Variants in TMEM132C observed in about 807,000 individuals in gnomAD.
TMEM132C encodes protein phosphatase 1, regulatory subunit 152.
Under a neutral mutation model 61.4 loss-of-function variants are expected in TMEM132C, and 29 were observed. That is an observed-to-expected ratio of 0.47 (90% CI 0.35 to 0.64). TMEM132C has a LOEUF of 0.64. Among genes scored for constraint, TMEM132C ranks in the 30% least tolerant of loss-of-function variants. The pLI is 0.00. For synonymous variants in TMEM132C, 656 were observed against 633.1 expected, an observed-to-expected ratio of 1.04 and a Z score of -0.54; for missense variants, 1,408 against 1,476.9, an observed-to-expected ratio of 0.95 and a Z score of 0.76.
rs138912512 is a variant in TMEM132C at position 128,683,860 on chromosome 12, G to A, written c.1450-9969G>A. ...GGATGCCTGTCGTCCCAAGTACTTGGGAGGCTGAGCCAGGAGAATCTCTTG... is the reference window on the plus strand; with the variant it reads ...GGATGCCTGTCGTCCCAAGTACTTGAGAGGCTGAGCCAGGAGAATCTCTTG... On this transcript the variant is annotated intron_variant, in intron 5 of 8. Transcript: ENST00000435159. 3.7e-3 allele frequency among the ~76,000 whole-genome samples: 562 copies of A among 152,172 alleles called. 1 individual carries two copies. The highest frequency in any genetic ancestry group is 0.013 in the African/African-American group (544 of 41,518).
At position 128,415,242 on chromosome 12, in the gene TMEM132C, A is replaced by C; in HGVS notation, c.596A>C (p.Glu199Ala). Residue 199 changes from glutamate (E) to alanine (A), a missense_variant, in exon 2 of 9, where the codon GAG becomes GCG. Physicochemically the swap from Glu to Ala is moderately radical, Grantham distance 107 (BLOSUM62 -1). Transcript: ENST00000435159. This position sits in a 1 kb window ranked among gnomAD's most constrained non-coding sequence, Gnocchi z 5.8. ...GDLGLCVAEL[E>A]LLSSWFSAPT... Reference sequence around the variant, plus strand: ...CTGGGGCTGTGTGTGGCTGAGCTGGAGCTCCTGTCCAGCTGGTTCAGTGCC... The same window carrying C: ...CTGGGGCTGTGTGTGGCTGAGCTGGCGCTCCTGTCCAGCTGGTTCAGTGCC... 6.2e-7 allele frequency: 1 copy of C among 1,608,174 alleles called. No individual in the cohort carries two copies. The highest frequency in any genetic ancestry group is 1.3e-5 in the African/African-American group (1 of 74,702).
intron 1 of TMEM132C, among the ~76,000 whole-genome samples, chr12:128,277,337 T>A (rs35866188): frequency 6.6e-6 from 1 of 152,222 alleles, no homozygotes; most frequent in South Asian, 2.1e-4. Context: ...GGCTGCTCTG[T>A]CCTCTTTGCT....
intron 1 of TMEM132C, among the ~76,000 whole-genome samples, chr12:128,337,666 C>T (rs1872825053): frequency 6.6e-6 from 1 of 152,140 alleles, no homozygotes; most frequent in Non-Finnish European, 1.5e-5. Flanking sequence ...CTGGGAGGTT[C>T]GTCCCCTTGC....
intron 3 of TMEM132C, among the ~76,000 whole-genome samples, chr12:128,561,178 T>G (rs1479394132): frequency 6.6e-6 from 1 of 152,238 alleles, no homozygotes; most frequent in Non-Finnish European, 1.5e-5. Flanking sequence ...TGAAGCAAAG[T>G]TTTTATGTCA....
intron 2 of TMEM132C, among the ~76,000 whole-genome samples, chr12:128,539,164 C>T (rs1160027122): frequency 1.3e-5 from 2 of 152,174 alleles, no homozygotes; most frequent in Non-Finnish European, 2.9e-5. Context: ...ATTCAAGGAC[C>T]TCTCTTCACC....
chr12:128,671,569 G>T (rs1954532651), intron 5 of TMEM132C, among the ~76,000 whole-genome samples: 1 of 152,148 alleles, frequency 6.6e-6, no homozygotes, highest in African/African-American at 2.4e-5. Context: ...CTCCATGTCT[G>T]AGTAGAAGAG....
chr12:128,694,521 A>G (rs1954743342), intron 6 of TMEM132C, among the ~76,000 whole-genome samples: 1 of 152,204 alleles, frequency 6.6e-6, no homozygotes, highest in Non-Finnish European at 1.5e-5. Context: ...TGTCTGTCAC[A>G]TGCAAGAGTA....
intron 1 of TMEM132C, among the ~76,000 whole-genome samples, chr12:128,394,969 C>G (rs1305429198): frequency 6.6e-6 from 1 of 151,336 alleles, no homozygotes; most frequent in Non-Finnish European, 1.5e-5. Flanking sequence ...ATCTCATCTC[C>G]CTTCTACTCC....
At chr12:128,514,430 A>T (rs1455589181) in intron 2 of TMEM132C, among the ~76,000 whole-genome samples, 1 of 152,184 alleles carries the variant, frequency 6.6e-6, no homozygotes, top group Non-Finnish European at 1.5e-5. Context: ...TAATTTGCCC[A>T]AGGCCAGATA....
chr12:128,390,220 C>T (rs1272225103), intron 1 of TMEM132C, among the ~76,000 whole-genome samples: 1 of 152,190 alleles, frequency 6.6e-6, no homozygotes, highest in Non-Finnish European at 1.5e-5. Context: ...ACTTTCTTGG[C>T]TTAAAAATAT....
chr12:128,308,547 AT>A (rs1272072508), intron 1 of TMEM132C, among the ~76,000 whole-genome samples: 1 of 152,172 alleles, frequency 6.6e-6, no homozygotes, highest in Non-Finnish European at 1.5e-5. Context: ...TGCTGAGTGA[AT>A]GGAGGAATGT....
rs1874972433 is a variant in TMEM132C, at chr12:128,396,771, C to T, written c.86-17961C>T. Among the ~76,000 whole-genome samples, 4 of 152,186 alleles carry T rather than the reference C, an allele frequency of 2.6e-5. No homozygotes were observed. In the South Asian group the frequency reaches 8.3e-4, roughly 32 times the overall value. ...CCATCACAGCTAGGAAGTGGCCAGG[C>T]TGTGATTGGAGCCCGGTGGGCTGGC... On this transcript the variant is annotated intron_variant, in intron 1 of 8. Coordinates refer to ENST00000435159, the MANE Select transcript of TMEM132C (RefSeq NM_001136103.3).
At chr12:128,295,768 C>T (rs1001524117) in intron 1 of TMEM132C, among the ~76,000 whole-genome samples, 17 of 140,848 alleles carry the variant, frequency 1.2e-4, no homozygotes, top group Admixed American at 1.1e-3. Flanking sequence ...GTTTTAAGCA[C>T]CAATTAAAAA....
rs957363840 is a variant in TMEM132C at position 128,701,959 on chromosome 12, G to A, written c.2122-3131G>A. ...CTGTCACCCCAGCTGGAGTGCAGTG[G>A]TGTGATCTTGGCTCACTGCAACCTC... On this transcript the variant is annotated intron_variant, in intron 8 of 8. Transcript: ENST00000435159. Among the ~76,000 whole-genome samples, 42 of 149,178 alleles carry A rather than the reference G, an allele frequency of 2.8e-4. No individual in the cohort carries two copies. In the Middle Eastern group the frequency reaches 0.011, roughly 38 times the overall value.
chr12:128,518,737 T>C (rs1459275830), intron 2 of TMEM132C, among the ~76,000 whole-genome samples: 1 of 152,054 alleles, frequency 6.6e-6, no homozygotes, highest in Non-Finnish European at 1.5e-5. Flanking sequence ...TGTGTGCATG[T>C]GTGTGCGTGT....
At chr12:128,364,342 A>T (rs1026418668) in intron 1 of TMEM132C, among the ~76,000 whole-genome samples, 2 of 113,638 alleles carry the variant, frequency 1.8e-5, no homozygotes, top group Non-Finnish European at 3.4e-5. Flanking sequence ...CATCATTCTC[A>T]CTCAGTCACA....
At chr12:128,354,435 C>G (rs755826156) in intron 1 of TMEM132C, among the ~76,000 whole-genome samples, 9 of 146,788 alleles carry the variant, frequency 6.1e-5, no homozygotes, top group Non-Finnish European at 1.2e-4. Context: ...TTTTCTTCCT[C>G]TCTCCTTCCT....
rs994900067 is a variant in TMEM132C at position 128,695,875 on chromosome 12, C to A, written c.1701C>A (p.Gly567=). The A allele has an allele frequency of 9.7e-6, 15 of 1,548,368 alleles. No individual in the cohort carries two copies. The highest frequency in any genetic ancestry group is 1.2e-5 in the Non-Finnish European group (14 of 1,145,564). ...ATGAGGACGAGGAGGAGCGGCGGGG[C>A]CGGGGCTGCGCACTGCAATACCAGC... is the stretch of plus-strand genomic sequence containing the variant. ...SEDEDEEERR[G]RGCALQYQHA... is the part of the protein sequence containing the mutation. The change falls in exon 7 of 9, where the codon GGC becomes GGA. Residue 567 remains glycine, a synonymous_variant. Transcript: ENST00000435159.
At position 128,358,493 on chromosome 12, in the gene TMEM132C, TTG is replaced by T. The variant is rs58748919; in HGVS notation, c.86-56207_86-56206del. On this transcript the variant is annotated intron_variant, in intron 1 of 8. Coordinates refer to ENST00000435159, the MANE Select transcript of TMEM132C (RefSeq NM_001136103.3). Reference sequence around the variant, plus strand: ...GAAGATGCCATGACCACTTTTAAAATTGTGTGTGTGTGTGTGTGTGTGTGTGT... The same window carrying T: ...GAAGATGCCATGACCACTTTTAAAATTGTGTGTGTGTGTGTGTGTGTGTGT... 7.9e-3 allele frequency among the ~76,000 whole-genome samples: 1,149 copies of T among 145,004 alleles called. 12 individuals are homozygous for T. Among genetic ancestry groups the T allele is most frequent in the African/African-American group, 0.026 (1,016 of 39,184 alleles).
Sources: allele counts gnomAD v4.1 joint callset (sites outside exome capture counted in the v4.1 genomes callset), GRCh38; gene constraint gnomAD v4.1.1; non-coding constraint Gnocchi (gnomAD v3.1); transcripts MANE v1.5; gene names NCBI Gene and HGNC (gene_info 2026-07-23, HGNC 2026-07-21).